INO80: variants seen among roughly 807,000 people sequenced by gnomAD.
The protein encoded by INO80 is INO80 complex ATPase subunit.
A neutral mutation model predicts 203.4 loss-of-function variants in INO80; 20 were observed. The observed-to-expected ratio is 0.10, with a 90% CI of 0.07 to 0.14. The LOEUF is 0.14. Among genes scored for constraint, INO80 ranks in the 10% least tolerant of loss-of-function variants. The pLI, the probability that INO80 is intolerant of heterozygous loss-of-function variation, is 1.00. For missense variants in INO80, 1,419 were observed against 1,914.4 expected (o/e 0.74, Z 4.83); for synonymous variants, 726 against 685.2 (o/e 1.06, Z -0.93).
intron 26 of INO80, chr15:41,017,139 C>CCT (rs1423215514): frequency 6.6e-6 from 1 of 152,208 alleles, no homozygotes; most frequent in East Asian, 1.9e-4. Context: ...CAGTGAAGCT[C>CCT]CTCTCACTCA....
At chr15:41,075,906 G>A (rs1211165781) in intron 9 of INO80, among the ~76,000 whole-genome samples, 3 of 152,098 alleles carry the variant, frequency 2.0e-5, no homozygotes, top group African/African-American at 7.2e-5. Flanking sequence ...CACCACACCG[G>A]CCCTAAAACT....
At position 41,071,776 on chromosome 15, in the gene INO80, T is replaced by C. The variant is rs149195088; in HGVS notation, c.1605+73A>G. ...GCGCTCAGCCAGATCTTGTACTCAT[T>C]TCACAATCACATTGAACAAATGACT... On this transcript the variant is annotated intron_variant, in intron 12 of 35. Transcript: ENST00000648947. 1.7e-5 allele frequency: 23 copies of C among 1,379,658 alleles called. No homozygotes were observed. In the Admixed American group the frequency reaches 4.0e-4, roughly 24 times the overall value. 85.5% of individuals were successfully genotyped at this position (1,379,658 alleles called of 1,614,324 possible).
chr15:41,075,004 T>G (rs1327446029), intron 9 of INO80, among the ~76,000 whole-genome samples: 2 of 152,176 alleles, frequency 1.3e-5, no homozygotes, highest in Non-Finnish European at 2.9e-5. Flanking sequence ...CCCAAAGTGC[T>G]GGGATTACAG....
At chr15:41,088,495 C>G (rs1253314946) in intron 5 of INO80, among the ~76,000 whole-genome samples, 1 of 152,170 alleles carries the variant, frequency 6.6e-6, no homozygotes, top group African/African-American at 2.4e-5. Context: ...TTCCTCTCTT[C>G]ATCTCCCACT....
chr15:41,070,481 C>A lies in INO80; in HGVS notation c.1672G>T (p.Ala558Ser). ...CATCTACCCACCTCAGCCAGATGGG[C>A]CAGAAGGGCAATGCTCTGTACTGTT... ...GKTVQSIALL[A>S]HLAERENIWG... is the part of the protein sequence containing the mutation. The change falls in exon 13 of 36, where the codon GCC becomes TCC. Residue 558 changes from alanine to serine, a missense_variant. By Grantham distance (99) the Ala-to-Ser change is moderately conservative. Around this residue, in one of 9 missense-constraint regions of INO80, gnomAD observed 192 missense variants for 406.7 expected, o/e 0.47. Transcript: ENST00000648947. 1 of 1,613,918 alleles carries A rather than the reference C, an allele frequency of 6.2e-7. No homozygotes were observed. Among genetic ancestry groups the A allele is most frequent in the East Asian group, 2.2e-5 (1 of 44,882 alleles).
chr15:40,987,243 G>A (rs773763530), intron 30 of INO80, 50 bp from the exon 31 acceptor site: 1 of 1,098,274 alleles, frequency 9.1e-7, no homozygotes, highest in Non-Finnish European at 1.4e-6. Context: ...ATTCCCTTAT[G>A]GCAAATATCC....
At chr15:41,000,239 A>G (rs1005747820) in intron 28 of INO80, among the ~76,000 whole-genome samples, 2 of 152,174 alleles carry the variant, frequency 1.3e-5, no homozygotes, top group Non-Finnish European at 2.9e-5. Flanking sequence ...TGATGGGGTC[A>G]TCCAATGGCT....
chr15:40,988,277 C>T (rs1467832867), intron 29 of INO80, among the ~76,000 whole-genome samples: 1 of 152,088 alleles, frequency 6.6e-6, no homozygotes, highest in Non-Finnish European at 1.5e-5. Context: ...ACTTACAGTG[C>T]ATTGTTCTAA....
In INO80 at chr15:41,093,355, G is replaced by T. The variant is rs188520901; in HGVS notation, c.382-1173C>A. On this transcript the variant is annotated intron_variant, in intron 4 of 35. Transcript: ENST00000648947. ...CAGGAGAATCGCTTGAACCCAGGAG[G>T]GAGAGGTTGCAGTGAGCTGAGATCA... Among the ~76,000 whole-genome samples, 588 of 152,078 alleles carry T rather than the reference G, an allele frequency of 3.9e-3. 10 individuals carry two copies. Among genetic ancestry groups the T allele is most frequent in the African/African-American group, 0.014 (577 of 41,464 alleles).
intron 25 of INO80, among the ~76,000 whole-genome samples, chr15:41,026,813 T>C (rs2044381903): frequency 6.6e-6 from 1 of 152,214 alleles, no homozygotes; most frequent in South Asian, 2.1e-4. Context: ...TCTCTGGCTC[T>C]GATCAACATG....
chr15:41,016,035 T>C, intron 27 of INO80, 53 bp downstream of exon 27: 1 of 1,473,648 alleles, frequency 6.8e-7, no homozygotes, highest in Non-Finnish European at 9.4e-7. Context: ...GACATCTGAT[T>C]CCTACAAATT....
intron 1 of INO80, among the ~76,000 whole-genome samples, chr15:41,099,826 G>A (rs552306604): frequency 1.4e-4 from 21 of 151,252 alleles, no homozygotes; most frequent in African/African-American, 3.9e-4. Context: ...GAGACCTAAC[G>A]TGTACCCACC....
At chr15:40,988,767 C>T (rs184650007) in intron 29 of INO80, among the ~76,000 whole-genome samples, 1 of 152,358 alleles carries the variant, frequency 6.6e-6, no homozygotes, top group East Asian at 1.9e-4. Context: ...GTAATCCCAT[C>T]ACTTTGGGAG....
chr15:40,997,514 G>A lies in INO80; in HGVS notation c.3570+15C>T, dbSNP rs1349550983. The A allele has an allele frequency of 1.3e-6, 2 of 1,554,356 alleles. No homozygotes were observed. The highest frequency in any genetic ancestry group is 1.8e-6 in the Non-Finnish European group (2 of 1,125,626). On this transcript the variant is annotated intron_variant, in intron 29 of 35. Coordinates refer to ENST00000648947, the MANE Select transcript of INO80 (RefSeq NM_017553.3). ...AAAACCTGCATATCTAGTTGATTGT[G>A]CTCTCATTACTTACTGTGTCTGCAG...
At chr15:41,003,274 C>T (rs1230245344) in intron 28 of INO80, among the ~76,000 whole-genome samples, 1 of 150,356 alleles carries the variant, frequency 6.7e-6, no homozygotes, top group Non-Finnish European at 1.5e-5. Flanking sequence ...ACATTAAAGA[C>T]TAGAGGATAT....
chr15:41,030,860 T>C (rs1161083114), intron 24 of INO80, among the ~76,000 whole-genome samples: 3 of 151,790 alleles, frequency 2.0e-5, no homozygotes, highest in African/African-American at 7.3e-5. Flanking sequence ...TCAGTAGAGA[T>C]GGGGTTTCAC....
chr15:41,115,888 G>C (rs1223891756), intron 1 of INO80, 85 bp downstream of exon 1: 3 of 377,176 alleles, frequency 8.0e-6, no homozygotes, highest in Non-Finnish European at 1.4e-5. Flanking sequence ...TTTAAGACGC[G>C]GCCCAGTTGT....
At chr15:41,088,863 T>C (rs541007970) in intron 5 of INO80, among the ~76,000 whole-genome samples, 6 of 152,290 alleles carry the variant, frequency 3.9e-5, no homozygotes, top group African/African-American at 1.4e-4. Flanking sequence ...TATATGTATG[T>C]TTTATCTGAA....
intron 27 of INO80, among the ~76,000 whole-genome samples, chr15:41,013,977 G>T (rs932729374): frequency 3.3e-5 from 5 of 152,138 alleles, no homozygotes; most frequent in Admixed American, 2.6e-4. Context: ...ATAACTGTTG[G>T]ATTATAGATA....
Sources: gnomAD v4.1 joint callset for allele counts (sites outside exome capture counted in the v4.1 genomes callset) on GRCh38, gnomAD v4.1.1 for gene constraint, gnomAD v4.1.1 regional missense constraint, MANE v1.5 for transcripts, NCBI Gene and HGNC (gene_info 2026-07-23, HGNC 2026-07-21) for gene names.